Variants in FAT3 observed in about 807,000 individuals in gnomAD.
The protein encoded by FAT3 is protocadherin Fat 3.
In FAT3, 95 loss-of-function variants were observed where a neutral mutation model predicts 310.2. The ratio of observed to expected loss-of-function variants is 0.31; its 90% confidence interval spans 0.26 to 0.36. The LOEUF (loss-of-function observed/expected upper bound fraction) is 0.36. Ranked by LOEUF, FAT3 falls within the 10% of genes least tolerant of loss-of-function variation. The pLI is 1.00. For synonymous variants in FAT3, 2,314 were observed against 2,192.9 expected, an observed-to-expected ratio of 1.06 and a Z score of -1.54; for missense variants, 5,408 against 5,715.6, an observed-to-expected ratio of 0.95 and a Z score of 1.74.
At chr11:92,334,127 G>T (rs1207437420) in intron 1 of FAT3, among the ~76,000 whole-genome samples, 1 of 152,152 alleles carries the variant, frequency 6.6e-6, no homozygotes, top group Non-Finnish European at 1.5e-5. Context: ...TGTAATCCCA[G>T]CACTTTGAGA....
At chr11:92,860,570 G>A (rs1200871991) in intron 21 of FAT3, among the ~76,000 whole-genome samples, 3 of 152,040 alleles carry the variant, frequency 2.0e-5, no homozygotes, top group African/African-American at 4.8e-5. Flanking sequence ...TTCAGAGTCC[G>A]TCCAGTGGAA....
rs746696471 is a variant in FAT3, at chr11:92,797,840, C to T, written c.4827C>T (p.Asn1609=). The part of the protein sequence containing the change: ...AELIYTIEAG[N]TGNMFKIEPV... The stretch of plus-strand genomic sequence containing the variant: ...CCATTGATTTCTGTATTTTAGGGAA[C>T]ACTGGGAACATGTTTAAGATCGAAC... The change falls in exon 10 of 28, where the codon AAC becomes AAT. Residue 1609 remains asparagine (N), a synonymous_variant. Transcript: ENST00000525166. 1.2e-6 allele frequency: 2 copies of T among 1,606,762 alleles called. No homozygotes were observed. The highest frequency in any genetic ancestry group is 1.3e-5 in the African/African-American group (1 of 74,744).
intron 3 of FAT3, among the ~76,000 whole-genome samples, chr11:92,565,085 A>T (rs1591457475): frequency 7.0e-6 from 1 of 141,898 alleles, no homozygotes; most frequent in East Asian, 2.2e-4. Flanking sequence ...TCAAAAAATT[A>T]ATGAATCCAG....
At chr11:92,347,566 G>A (rs912140640) in intron 1 of FAT3, among the ~76,000 whole-genome samples, 2 of 152,180 alleles carry the variant, frequency 1.3e-5, no homozygotes, top group Non-Finnish European at 2.9e-5. Flanking sequence ...AGCCAAGGCT[G>A]TCCCAGAGAG....
chr11:92,812,536 T>A (rs1290255243), intron 13 of FAT3, among the ~76,000 whole-genome samples: 1 of 150,660 alleles, frequency 6.6e-6, no homozygotes, highest in Non-Finnish European at 1.5e-5. Context: ...GAGCCAATAT[T>A]GTGCCAGTGC....
intron 2 of FAT3, among the ~76,000 whole-genome samples, chr11:92,386,002 G>A (rs1949610476): frequency 6.6e-6 from 1 of 152,030 alleles, no homozygotes. Context: ...AAAACCATTA[G>A]CTAGGCATGG....
At chr11:92,360,299 G>A (rs1480204150) in intron 2 of FAT3, among the ~76,000 whole-genome samples, 2 of 152,190 alleles carry the variant, frequency 1.3e-5, no homozygotes, top group African/African-American at 2.4e-5. Context: ...AGAGCTCTGC[G>A]AATCAAACCA....
At chr11:92,846,701 C>T (rs1004546053) in intron 19 of FAT3, among the ~76,000 whole-genome samples, 1 of 152,202 alleles carries the variant, frequency 6.6e-6, no homozygotes, top group Non-Finnish European at 1.5e-5. Flanking sequence ...ATAAACCTTT[C>T]TACTCCCAGT....
chr11:92,366,636 C>T (rs1949030049), intron 2 of FAT3: 3 of 533,934 alleles, frequency 5.6e-6, no homozygotes, highest in South Asian at 2.8e-5. Flanking sequence ...GGTTCAGCTC[C>T]ATGATAGCCT....
At chr11:92,736,351 C>A (rs1171413969) in intron 4 of FAT3, among the ~76,000 whole-genome samples, 1 of 152,090 alleles carries the variant, frequency 6.6e-6, no homozygotes, top group Non-Finnish European at 1.5e-5. Context: ...CCCAAATGTG[C>A]ACCTGTTCAG....
At chr11:92,365,385 A>T (rs1948993315) in intron 2 of FAT3, among the ~76,000 whole-genome samples, 2 of 152,204 alleles carry the variant, frequency 1.3e-5, no homozygotes, top group African/African-American at 4.8e-5. Flanking sequence ...AAGATGTGTA[A>T]AACAGAGTTT....
At chr11:92,643,962 C>G (rs997845119) in intron 3 of FAT3, among the ~76,000 whole-genome samples, 1 of 152,260 alleles carries the variant, frequency 6.6e-6, no homozygotes, top group African/African-American at 2.4e-5. Context: ...AGAATGGCTA[C>G]ATGCCTTCTA....
At chr11:92,379,302 A>G (rs1203579608) in intron 2 of FAT3, among the ~76,000 whole-genome samples, 1 of 152,192 alleles carries the variant, frequency 6.6e-6, no homozygotes, top group Non-Finnish European at 1.5e-5. Flanking sequence ...ATACATTCAT[A>G]AATTTGAACC....
intron 2 of FAT3, among the ~76,000 whole-genome samples, chr11:92,442,107 A>ATTTTT (rs1565320189): frequency 2.2e-4 from 11 of 49,862 alleles, no homozygotes; most frequent in South Asian, 1.1e-3. Context: ...ATATATATAT[A>ATTTTT]TATATTTTTT....
At chr11:92,277,943 G>T (rs772599617) in intron 1 of FAT3, among the ~76,000 whole-genome samples, 1 of 151,860 alleles carries the variant, frequency 6.6e-6, no homozygotes, top group Non-Finnish European at 1.5e-5. Flanking sequence ...AATTAGCTGG[G>T]CCTGGTGGCA....
Position 92,799,392 on chromosome 11 carries a change from T to C in FAT3, c.6379T>C (p.Tyr2127His), listed in dbSNP as rs767320479. 6.2e-7 allele frequency: 1 copy of C among 1,613,746 alleles called. No homozygotes were observed. Residue 2127 changes from tyrosine (Y) to histidine (H), a missense_variant, in exon 10 of 28, where the codon TAT (tyrosine) becomes CAT (histidine). This residue lies in a region of FAT3 where 4,588 missense variants were observed against 4,809.8 expected (regional missense o/e 0.95). Coordinates refer to ENST00000525166, the MANE Select transcript of FAT3 (RefSeq NM_001367949.2). ...AGTGACCTATGTCCTGCAGGATGAC[T>C]ATGGCCACTTTGAAATTAACCCTAA... ...GEVTYVLQDDYGHFEINPNSG... is the reference protein window; with the variant it reads ...GEVTYVLQDDHGHFEINPNSG...
chr11:92,800,213 G>C lies in FAT3; in HGVS notation c.7200G>C (p.Glu2400Asp). 6.2e-7 allele frequency: 1 copy of C among 1,613,980 alleles called. No individual in the cohort carries two copies. Among genetic ancestry groups the C allele is most frequent in the Non-Finnish European group, 8.5e-7 (1 of 1,179,870 alleles). ...NPPVFNQLIYESYVSELAPRG... is the reference protein window; with the variant it reads ...NPPVFNQLIYDSYVSELAPRG... ...CAGTTTTTAATCAGCTCATTTATGA[G>C]TCATATGTGAGTGAATTAGCCCCCC... The change falls in exon 10 of 28, where the codon GAG becomes GAC. Residue 2400 changes from glutamate to aspartate, a missense_variant. Around this residue, in one of 5 missense-constraint regions of FAT3, gnomAD observed 4,588 missense variants for 4,809.8 expected, o/e 0.95. Transcript: ENST00000525166.
intron 24 of FAT3, among the ~76,000 whole-genome samples, chr11:92,884,696 A>C (rs1293228467): frequency 6.6e-6 from 1 of 152,192 alleles, no homozygotes; most frequent in African/African-American, 2.4e-5. Flanking sequence ...GACACTTTGG[A>C]GATGCCCTCC....
chr11:92,399,675 G>A (rs993029384), intron 2 of FAT3, among the ~76,000 whole-genome samples: 1 of 152,128 alleles, frequency 6.6e-6, no homozygotes, highest in African/African-American at 2.4e-5. Flanking sequence ...TATGGGCATG[G>A]GTTCGTATTT....
Sources: allele counts gnomAD v4.1 joint callset (sites outside exome capture counted in the v4.1 genomes callset), GRCh38; gene constraint gnomAD v4.1.1; regional missense constraint gnomAD v4.1.1; transcripts MANE v1.5; gene names NCBI Gene and HGNC (gene_info 2026-07-23, HGNC 2026-07-21).